The following ZBTB7C variants were observed in gnomAD, a reference collection of about 807,000 sequenced individuals.
ZBTB7C encodes zinc finger and BTB domain containing 7C, also known as zinc finger and BTB domain-containing protein 7C.
Under a neutral mutation model 25.7 loss-of-function variants are expected in ZBTB7C, and 8 were observed. The ratio of observed to expected loss-of-function variants is 0.31; its 90% CI spans 0.18 to 0.56. The LOEUF is 0.56. ZBTB7C is among the 20% of genes least tolerant of loss of function. The pLI is 0.91. For synonymous variants in ZBTB7C, 394 were observed against 369.0 expected (o/e 1.07, Z -0.78); for missense variants, 824 against 855.2 (o/e 0.96, Z 0.46).
At chr18:48,207,582 T>TATCA (rs2042605983) in intron 2 of ZBTB7C, among the ~76,000 whole-genome samples, 1 of 136,804 alleles carries the variant, frequency 7.3e-6, no homozygotes, top group Non-Finnish European at 1.6e-5. Flanking sequence ...TCTATCTATC[T>TATCA]ATCTATCTAT....
chr18:48,266,952 G>A (rs2044333504), intron 2 of ZBTB7C, among the ~76,000 whole-genome samples: 1 of 152,042 alleles, frequency 6.6e-6, no homozygotes, highest in Admixed American at 6.5e-5. Context: ...ATCCTAGTAG[G>A]CTCCACCCCA....
intron 1 of ZBTB7C, among the ~76,000 whole-genome samples, chr18:48,407,431 G>A (rs951726653): frequency 6.6e-6 from 1 of 152,214 alleles, no homozygotes; most frequent in African/African-American, 2.4e-5. Flanking sequence ...AAGGGCACGG[G>A]ACGGGAAATA....
At chr18:48,365,561 T>A (rs557097908) in intron 1 of ZBTB7C, among the ~76,000 whole-genome samples, 1 of 152,108 alleles carries the variant, frequency 6.6e-6, no homozygotes, top group African/African-American at 2.4e-5. Flanking sequence ...CCAATAACCA[T>A]GAGAATAGAA....
At chr18:48,107,523 C>T (rs192700605) in intron 3 of ZBTB7C, among the ~76,000 whole-genome samples, 20 of 152,062 alleles carry the variant, frequency 1.3e-4, no homozygotes, top group Admixed American at 9.8e-4. Context: ...TGGAGGTCAC[C>T]GACATCTCCA....
In ZBTB7C at chr18:48,179,398, C is replaced by G. The variant is rs74917267; in HGVS notation, c.-17+6536G>C. Among the ~76,000 whole-genome samples, 143 of 152,286 alleles carry G rather than the reference C, an allele frequency of 9.4e-4. 2 individuals carry two copies. Among genetic ancestry groups the G allele is most frequent in the African/African-American group, 3.4e-3 (140 of 41,560 alleles). On this transcript the variant is annotated intron_variant, in intron 3 of 4. Coordinates refer to ENST00000590800, the MANE Select transcript of ZBTB7C (RefSeq NM_001318841.2). Reference sequence around the variant, plus strand: ...TTCCAGCCAGCTGTGGAGAAAGACTCTCCTATGCTGGATGTGGGGAATGTG... The same window carrying G: ...TTCCAGCCAGCTGTGGAGAAAGACTGTCCTATGCTGGATGTGGGGAATGTG...
At chr18:48,411,184 C>G (rs2048381824), upstream of ZBTB7C, among the ~76,000 whole-genome samples, 1 of 152,168 alleles carries the variant, frequency 6.6e-6, no homozygotes, top group Non-Finnish European at 1.5e-5. Context: ...ATAGAGGGAT[C>G]TGAAACGTAG....
At chr18:48,045,343 G>A (rs2036426749) in intron 3 of ZBTB7C, among the ~76,000 whole-genome samples, 1 of 152,210 alleles carries the variant, frequency 6.6e-6, no homozygotes, top group South Asian at 2.1e-4. Flanking sequence ...GTAAGTTTTG[G>A]TGGTGGTTTT....
At chr18:48,314,052 C>T (rs1350064812) in intron 2 of ZBTB7C, among the ~76,000 whole-genome samples, 1 of 152,192 alleles carries the variant, frequency 6.6e-6, no homozygotes, top group Non-Finnish European at 1.5e-5. Flanking sequence ...CAGCACCGTG[C>T]TTCCTGTACA....
intron 2 of ZBTB7C, among the ~76,000 whole-genome samples, chr18:48,205,788 G>C (rs537527398): frequency 1.3e-5 from 2 of 152,166 alleles, no homozygotes; most frequent in South Asian, 2.1e-4. Flanking sequence ...AGCAAGGCAG[G>C]GGAAAGAAGA....
chr18:48,401,582 G>C (rs1213655277), intron 1 of ZBTB7C, among the ~76,000 whole-genome samples: 1 of 152,176 alleles, frequency 6.6e-6, no homozygotes, highest in Non-Finnish European at 1.5e-5. Context: ...CCCATCTGCA[G>C]TATGGGGATG....
chr18:48,090,701 C>T (rs1389696428), intron 3 of ZBTB7C, among the ~76,000 whole-genome samples: 1 of 148,418 alleles, frequency 6.7e-6, no homozygotes, highest in Non-Finnish European at 1.5e-5. Flanking sequence ...AGTTGTCCGG[C>T]CAGGCACTTG....
chr18:48,072,255 T>C (rs2037571108), intron 3 of ZBTB7C, among the ~76,000 whole-genome samples: 1 of 152,224 alleles, frequency 6.6e-6, no homozygotes. Flanking sequence ...TTCAAGTCTG[T>C]CGTCTGTAAA....
upstream of ZBTB7C, among the ~76,000 whole-genome samples, chr18:48,411,420 T>C (rs1384013736): frequency 6.6e-6 from 1 of 152,240 alleles, no homozygotes; most frequent in Non-Finnish European, 1.5e-5. Flanking sequence ...TATATCTCGC[T>C]TTCAGCAGCT....
intron 2 of ZBTB7C, among the ~76,000 whole-genome samples, chr18:48,254,923 T>C (rs769949974): frequency 2.0e-5 from 3 of 152,206 alleles, no homozygotes; most frequent in Non-Finnish European, 2.9e-5. Flanking sequence ...TCAGGAATAA[T>C]GCTGCTCCCA....
At chr18:48,337,091 T>C (rs1399261844) in intron 2 of ZBTB7C, among the ~76,000 whole-genome samples, 1 of 152,188 alleles carries the variant, frequency 6.6e-6, no homozygotes, top group Non-Finnish European at 1.5e-5. Flanking sequence ...CTTCAACTTA[T>C]CCTTTCTGCC....
At chr18:48,083,432 G>C (rs897423310) in intron 3 of ZBTB7C, among the ~76,000 whole-genome samples, 1 of 151,744 alleles carries the variant, frequency 6.6e-6, no homozygotes, top group Non-Finnish European at 1.5e-5. Flanking sequence ...TCCCCTGCCT[G>C]TCCTCACCCA....
At chr18:48,089,414 G>A (rs973411190) in intron 3 of ZBTB7C, among the ~76,000 whole-genome samples, 4 of 150,782 alleles carry the variant, frequency 2.7e-5, no homozygotes, top group Non-Finnish European at 4.4e-5. Flanking sequence ...GGAGGGTGCA[G>A]AGAGCCGAGA....
intron 3 of ZBTB7C, among the ~76,000 whole-genome samples, chr18:48,119,803 C>T (rs778742768): frequency 6.6e-6 from 1 of 152,138 alleles, no homozygotes; most frequent in Non-Finnish European, 1.5e-5. Context: ...ACATAAATAA[C>T]AATCTCATTG....
At chr18:48,210,738 A>T (rs955617039) in intron 2 of ZBTB7C, among the ~76,000 whole-genome samples, 3 of 152,000 alleles carry the variant, frequency 2.0e-5, no homozygotes, top group African/African-American at 7.3e-5. Context: ...ATTAGAAGAG[A>T]TGGTTGCAAA....
Sources: gnomAD v4.1 joint callset for allele counts (sites outside exome capture counted in the v4.1 genomes callset) on GRCh38, gnomAD v4.1.1 for gene constraint, MANE v1.5 for transcripts, NCBI Gene and HGNC (gene_info 2026-07-23, HGNC 2026-07-21) for gene names.